Variants in TXNRD2 observed in about 807,000 individuals in gnomAD.
TXNRD2 encodes the protein thioredoxin reductase 2, also known as thioredoxin reductase 2, mitochondrial.
A neutral mutation model predicts 70.8 loss-of-function variants in TXNRD2; 67 were observed. The observed-to-expected ratio is 0.95, with a 90% CI of 0.78 to 1.16. The LOEUF is 1.16. Ranked by LOEUF, TXNRD2 falls within the 50% of genes most tolerant of loss-of-function variation. The pLI is 0.00. For missense variants in TXNRD2, 644 were observed against 719.9 expected (o/e 0.89, Z 1.21); for synonymous variants, 301 against 295.8 (o/e 1.02, Z -0.18).
intron 8 of TXNRD2, among the ~76,000 whole-genome samples, chr22:19,905,450 G>A (rs887327755): frequency 6.6e-6 from 1 of 151,984 alleles, no homozygotes; most frequent in Non-Finnish European, 1.5e-5. Context: ...GCAGAGGAGC[G>A]CTCCCCAAGC....
At chr22:19,880,487 C>T in intron 13 of TXNRD2, 135 bp downstream of exon 13, 1 of 903,162 alleles carries the variant, frequency 1.1e-6, no homozygotes, top group Non-Finnish European at 1.8e-6. Context: ...TACAACACAC[C>T]CACATAAGCG....
intron 10 of TXNRD2, 41 bp downstream of exon 10, chr22:19,897,998 C>G: frequency 6.5e-7 from 1 of 1,529,320 alleles, no homozygotes; most frequent in South Asian, 1.2e-5. Context: ...GGAGGAAGGC[C>G]TCAGAGCCAC....
At chr22:19,936,733 A>G (rs879644086) in intron 1 of TXNRD2, among the ~76,000 whole-genome samples, 8 of 151,780 alleles carry the variant, frequency 5.3e-5, no homozygotes, top group Admixed American at 3.3e-4. Context: ...TGCTCCCCCA[A>G]TGCCCCTTTC....
intron 12 of TXNRD2, among the ~76,000 whole-genome samples, chr22:19,882,552 G>A (rs1024868340): frequency 6.6e-6 from 1 of 152,190 alleles, no homozygotes; most frequent in African/African-American, 2.4e-5. Context: ...GATAATCCAT[G>A]TCTGTTGTTC....
chr22:19,881,277 C>T (rs1169144107), intron 12 of TXNRD2: 2 of 395,436 alleles, frequency 5.1e-6, no homozygotes, highest in African/African-American at 4.1e-5. Flanking sequence ...GGCTGCCAAT[C>T]ACCATGGCAG....
At chr22:19,925,153 A>G (rs79684681) in intron 2 of TXNRD2, among the ~76,000 whole-genome samples, 25,005 of 151,586 alleles carry the variant, frequency 0.16, 2,818 homozygotes, top group Non-Finnish European at 0.23. Flanking sequence ...GCATGGTGGC[A>G]TGCGCCTGTA....
intron 2 of TXNRD2, among the ~76,000 whole-genome samples, chr22:19,929,194 G>A (rs1941267016): frequency 1.3e-5 from 2 of 151,838 alleles, no homozygotes; most frequent in East Asian, 1.9e-4. Context: ...GGGCGTGGTG[G>A]TGGGCGCCTG....
Position 19,930,997 on chromosome 22 carries a change from G to T in TXNRD2, c.172+33C>A, listed in dbSNP as rs369751793. The T allele has an allele frequency of 1.0e-3, 1,642 of 1,608,136 alleles. 1 individual carries two copies. Among genetic ancestry groups the T allele is most frequent in the Non-Finnish European group, 1.3e-3 (1,524 of 1,175,220 alleles). Reference sequence around the variant, plus strand: ...CCTCTCTAGGGGCCCTAAAAGCTTCGAGGCCTTGCCACGAAGTATACAGAA... The same window carrying T: ...CCTCTCTAGGGGCCCTAAAAGCTTCTAGGCCTTGCCACGAAGTATACAGAA... On this transcript the variant is annotated intron_variant, in intron 2 of 17. Coordinates refer to ENST00000400521, the MANE Select transcript of TXNRD2 (RefSeq NM_006440.5).
In TXNRD2 at chr22:19,941,702, T is replaced by TGCTGCGCCCCGC. The variant is rs1008629337; in HGVS notation, c.90_101dup (p.Arg31_Ala34dup). The TGCTGCGCCCCGC allele has an allele frequency of 2.8e-5, 41 of 1,482,748 alleles. No homozygotes were observed. Among genetic ancestry groups the TGCTGCGCCCCGC allele is most frequent in the Non-Finnish European group, 3.5e-5 (39 of 1,123,866 alleles). The allele number at this position is 1,482,748 out of a possible 1,614,324, so 91.8% of individuals were successfully genotyped here. A position where few individuals can be genotyped will look rare whatever the true frequency, so the allele number is the denominator to read the frequency against. ...GGGGACGCCCCGACCCCATCCTACC[T>TGCTGCGCCCCGC]GCTGCGCCCCGCGCCGCGCCCCGCA... On this transcript the variant is annotated inframe_insertion and splice_region_variant, in exon 1 of 18. Transcript: ENST00000400521.
At chr22:19,923,343 T>C (rs1009188529) in intron 2 of TXNRD2, among the ~76,000 whole-genome samples, 1 of 152,198 alleles carries the variant, frequency 6.6e-6, no homozygotes, top group African/African-American at 2.4e-5. Flanking sequence ...TCTCTCCAAA[T>C]GACCCACCTT....
rs1941440703 is a variant in TXNRD2, at chr22:19,933,511, T to C, written c.104-2413A>G. The C allele has an allele frequency of 7.8e-6, 10 of 1,289,232 alleles. No homozygotes were observed. In the South Asian group the frequency reaches 1.1e-4, roughly 14 times the overall value. 79.9% of individuals were successfully genotyped at this position (1,289,232 alleles called of 1,614,324 possible). On this transcript the variant is annotated intron_variant, in intron 1 of 17. Coordinates refer to ENST00000400521, the MANE Select transcript of TXNRD2 (RefSeq NM_006440.5). The stretch of plus-strand genomic sequence containing the variant: ...GTCATCCTGCCCTGCAGCCTCGCAC[T>C]GTGCCCCCTCTGTCTGCTATCAGGC...
intron 2 of TXNRD2, among the ~76,000 whole-genome samples, chr22:19,928,011 A>G (rs1228847284): frequency 6.6e-6 from 1 of 152,050 alleles, no homozygotes; most frequent in Non-Finnish European, 1.5e-5. Context: ...TCATTCCTGT[A>G]ATCCCAACGT....
intron 1 of TXNRD2, among the ~76,000 whole-genome samples, chr22:19,937,472 T>C (rs757912660): frequency 1.2e-4 from 19 of 152,230 alleles, no homozygotes; most frequent in Non-Finnish European, 2.4e-4. Context: ...TGTTAGCTTT[T>C]CAAAATGCGA....
intron 8 of TXNRD2, among the ~76,000 whole-genome samples, chr22:19,910,025 C>T (rs1020121343): frequency 1.4e-5 from 2 of 142,676 alleles, no homozygotes; most frequent in East Asian, 2.0e-4. Context: ...ACACCATGCA[C>T]ATTCGGGCAC....
intron 10 of TXNRD2, among the ~76,000 whole-genome samples, chr22:19,895,809 A>C (rs1474774562): frequency 6.6e-6 from 1 of 152,172 alleles, no homozygotes; most frequent in East Asian, 1.9e-4. Context: ...GGATTCACTC[A>C]GCCTGTGGGC....
At position 19,880,528 on chromosome 22, in the gene TXNRD2, GAC is replaced by G. The variant is rs1003552212; in HGVS notation, c.1182+92_1182+93del. 8.4e-5 allele frequency: 98 copies of G among 1,173,622 alleles called. No homozygotes were observed. The African/African-American group carries it at 1.4e-3, about 17-fold the overall frequency. The allele number at this position is 1,173,622 out of a possible 1,614,324, so 72.7% of individuals were successfully genotyped here. On this transcript the variant is annotated intron_variant, in intron 13 of 17. Transcript: ENST00000400521. ...ACACGCATGCCCACATCTACATGCA[GAC>G]ACACAGCGCACAAAGGCCCCTCACC... is the stretch of plus-strand genomic sequence containing the variant.
At chr22:19,915,522 TC>T (rs1235559957) in intron 6 of TXNRD2, among the ~76,000 whole-genome samples, 1 of 151,864 alleles carries the variant, frequency 6.6e-6, no homozygotes, top group Non-Finnish European at 1.5e-5. Context: ...CACCCTCAAA[TC>T]CCCAAAAAAT....
intron 8 of TXNRD2, among the ~76,000 whole-genome samples, chr22:19,901,648 T>A (rs984778805): frequency 1.3e-5 from 2 of 152,076 alleles, no homozygotes; most frequent in African/African-American, 4.8e-5. Flanking sequence ...AGTAAAAAAA[T>A]GCCCGAGCAA....
At chr22:19,885,649 G>A (rs957365495) in intron 11 of TXNRD2, among the ~76,000 whole-genome samples, 2 of 152,222 alleles carry the variant, frequency 1.3e-5, no homozygotes, top group African/African-American at 2.4e-5. Flanking sequence ...ACGCTCAGCC[G>A]TCTGGTCCCT....
Sources: allele counts gnomAD v4.1 joint callset (sites outside exome capture counted in the v4.1 genomes callset), GRCh38; gene constraint gnomAD v4.1.1; transcripts MANE v1.5; gene names NCBI Gene and HGNC (gene_info 2026-07-23, HGNC 2026-07-21).